The following RGS20 variants were observed in gnomAD, a reference collection of about 807,000 sequenced individuals.
The protein encoded by RGS20 is regulator of G protein signaling 20, also known as gz-selective GTPase-activating protein.
Under a neutral mutation model 33.6 loss-of-function variants are expected in RGS20, and 30 were observed. The observed-to-expected ratio is 0.89, with a 90% CI of 0.67 to 1.21. The LOEUF (loss-of-function observed/expected upper bound fraction) is 1.21. Among genes scored for constraint, RGS20 ranks in the 50% most tolerant of loss-of-function variants. The probability of loss-of-function intolerance (pLI) is 0.00; values close to 1 mark genes in which losing one functional copy is unlikely to be tolerated. For synonymous variants in RGS20, 208 were observed against 197.9 expected, an observed-to-expected ratio of 1.05 and a Z score of -0.43; for missense variants, 472 against 502.4, an observed-to-expected ratio of 0.94 and a Z score of 0.58.
At chr8:53,859,357 C>A (rs1329582598) in intron 1 of RGS20, among the ~76,000 whole-genome samples, 2 of 152,106 alleles carry the variant, frequency 1.3e-5, no homozygotes, top group Admixed American at 1.3e-4. Context: ...AAGCATACTG[C>A]AAAAATCCTG....
intron 2 of RGS20, among the ~76,000 whole-genome samples, chr8:53,902,092 A>G (rs1485117550): frequency 1.3e-5 from 2 of 152,026 alleles, no homozygotes; most frequent in African/African-American, 2.4e-5. Context: ...ACCTGGACTC[A>G]CCACAACCTC....
At chr8:53,887,788 G>A (rs1396034623) in intron 2 of RGS20, among the ~76,000 whole-genome samples, 1 of 151,834 alleles carries the variant, frequency 6.6e-6, no homozygotes, top group Admixed American at 6.6e-5. Context: ...ACCAGCCTGG[G>A]CAACATAGTG....
intron 2 of RGS20, among the ~76,000 whole-genome samples, chr8:53,913,158 G>A (rs370511896): frequency 2.0e-5 from 3 of 152,106 alleles, no homozygotes; most frequent in Admixed American, 1.3e-4. Flanking sequence ...TAGAGATGGG[G>A]TTTCTCCATG....
chr8:53,898,689 G>A (rs897341563), intron 2 of RGS20, among the ~76,000 whole-genome samples: 4 of 152,176 alleles, frequency 2.6e-5, no homozygotes, highest in Non-Finnish European at 5.9e-5. Flanking sequence ...CATATTTATT[G>A]TTTTCTCTAT....
intron 3 of RGS20, among the ~76,000 whole-genome samples, chr8:53,944,663 T>C (rs1814419472): frequency 6.6e-6 from 1 of 152,154 alleles, no homozygotes; most frequent in Non-Finnish European, 1.5e-5. Flanking sequence ...TAGCTATAAC[T>C]GATACAAATA....
intron 2 of RGS20, among the ~76,000 whole-genome samples, chr8:53,883,408 C>A (rs982958757): frequency 6.6e-6 from 1 of 151,994 alleles, no homozygotes; most frequent in Non-Finnish European, 1.5e-5. Context: ...AGGTGATCCG[C>A]CTGCCTCCGC....
At chr8:53,868,953 A>T (rs1291132310) in intron 1 of RGS20, among the ~76,000 whole-genome samples, 2 of 152,120 alleles carry the variant, frequency 1.3e-5, no homozygotes, top group Non-Finnish European at 2.9e-5. Context: ...GGGTTTCACC[A>T]TGTTGGCCAG....
rs1814266942 is a variant in RGS20 at position 53,940,782 on chromosome 8, A to G, written c.659+1058A>G. ...GGGCTGACAAGAGCTAGGCAGTGTC[A>G]AGGTGAGACTTCAGCCCCTGGTAGG... is the stretch of plus-strand genomic sequence containing the variant. On this transcript the variant is annotated intron_variant, in intron 3 of 5. Coordinates refer to ENST00000297313, the MANE Select transcript of RGS20 (RefSeq NM_170587.4). Among the ~76,000 whole-genome samples, 3 of 152,352 alleles carry G rather than the reference A, an allele frequency of 2.0e-5. No individual in the cohort carries two copies. The South Asian group carries it at 6.2e-4, about 32-fold the overall frequency.
At chr8:53,854,380 A>T (rs1811629630) in intron 1 of RGS20, among the ~76,000 whole-genome samples, 2 of 152,232 alleles carry the variant, frequency 1.3e-5, no homozygotes, top group South Asian at 4.1e-4. Context: ...CTCAAAAGTA[A>T]AAGACAAACA....
chr8:53,901,659 A>G (rs1354260599), intron 2 of RGS20, among the ~76,000 whole-genome samples: 2 of 152,198 alleles, frequency 1.3e-5, no homozygotes, highest in African/African-American at 2.4e-5. Flanking sequence ...GACAGATACT[A>G]TATGATTTCA....
chr8:53,933,373 A>C (rs541943041), intron 2 of RGS20, among the ~76,000 whole-genome samples: 1 of 152,294 alleles, frequency 6.6e-6, no homozygotes, highest in African/African-American at 2.4e-5. Flanking sequence ...AAAAGATTAG[A>C]GGAATTGCTA....
Position 53,954,151 on chromosome 8 carries a change from GA to G in RGS20, c.821del (p.Asn274MetfsTer25). ...AATTAATGGTCACTCCAGCAGGAAG[GA>G]ATGCATTCCGTGAATTCCTCCGAAC... On this transcript the variant is annotated frameshift_variant, in exon 5 of 6. Coordinates refer to ENST00000297313, the MANE Select transcript of RGS20 (RefSeq NM_170587.4). LOFTEE classifies it high-confidence loss of function. 6.2e-7 allele frequency: 1 copy of G among 1,614,156 alleles called. No individual in the cohort carries two copies. Among genetic ancestry groups the G allele is most frequent in the Non-Finnish European group, 8.5e-7 (1 of 1,180,008 alleles).
At chr8:53,863,065 C>G (rs1042047399) in intron 1 of RGS20, among the ~76,000 whole-genome samples, 2 of 152,028 alleles carry the variant, frequency 1.3e-5, no homozygotes. Flanking sequence ...CTCGGCTCAC[C>G]GCAACCTCTG....
In RGS20 at chr8:53,877,329, G is replaced by A. The variant is rs1411083189; in HGVS notation, c.166-1929G>A. On this transcript the variant is annotated intron_variant, in intron 1 of 5. Transcript: ENST00000297313. This position sits in a 1 kb window ranked among gnomAD's most constrained non-coding sequence, Gnocchi z 5.7. ...CCGCCGAAGTTCCCGCCCTCGCCGA[G>A]GGCCCTCGCTCCGGAGTGGGGCGCA... 3.3e-5 allele frequency among the ~76,000 whole-genome samples: 5 copies of A among 152,160 alleles called. No individual in the cohort carries two copies. The highest frequency in any genetic ancestry group is 9.7e-5 in the African/African-American group (4 of 41,448).
At chr8:53,861,952 G>A (rs1274016640) in intron 1 of RGS20, among the ~76,000 whole-genome samples, 2 of 152,136 alleles carry the variant, frequency 1.3e-5, no homozygotes, top group Admixed American at 6.5e-5. Context: ...GTTGGCCCGT[G>A]GGGAGTCCAA....
rs572255493 is a variant in RGS20 at position 53,926,433 on chromosome 8, G to T, written c.511-13143G>T. On this transcript the variant is annotated intron_variant, in intron 2 of 5. Coordinates refer to ENST00000297313, the MANE Select transcript of RGS20 (RefSeq NM_170587.4). Reference sequence around the variant, plus strand: ...TTATCTATGATTCTATATCTTTCTGGAACAGGAACTTGAGTCTTAGGCCTT... The same window carrying T: ...TTATCTATGATTCTATATCTTTCTGTAACAGGAACTTGAGTCTTAGGCCTT... Among the ~76,000 whole-genome samples the T allele has an allele frequency of 2.0e-5, 3 of 152,152 alleles. No homozygotes were observed. In the South Asian group the frequency reaches 6.2e-4, roughly 32 times the overall value.
intron 2 of RGS20, among the ~76,000 whole-genome samples, chr8:53,898,802 A>G (rs901109912): frequency 6.6e-6 from 1 of 152,248 alleles, no homozygotes; most frequent in Non-Finnish European, 1.5e-5. Context: ...TGAAAAGACT[A>G]TAAATACAAT....
At chr8:53,924,751 C>T (rs1010928963) in intron 2 of RGS20, among the ~76,000 whole-genome samples, 1 of 152,208 alleles carries the variant, frequency 6.6e-6, no homozygotes, top group African/African-American at 2.4e-5. Context: ...GGGCAACCTA[C>T]TAAGAGCCAG....
intron 3 of RGS20, among the ~76,000 whole-genome samples, chr8:53,944,537 C>CAAA (rs762040506): frequency 2.8e-5 from 3 of 108,318 alleles, no homozygotes; most frequent in Admixed American, 8.9e-5. Context: ...GACCCCGTCT[C>CAAA]AAAAAAAAAA....
Sources: gnomAD v4.1 joint callset for allele counts (sites outside exome capture counted in the v4.1 genomes callset) on GRCh38, gnomAD v4.1.1 for gene constraint, Gnocchi (gnomAD v3.1) non-coding constraint, MANE v1.5 for transcripts, NCBI Gene and HGNC (gene_info 2026-07-23, HGNC 2026-07-21) for gene names.